The following SLC7A2 variants were observed in gnomAD, a reference collection of about 807,000 sequenced individuals.
SLC7A2 encodes solute carrier family 7 member 2, also known as cationic amino acid transporter 2.
In SLC7A2, 48 loss-of-function variants were observed where a neutral mutation model predicts 58.9. The ratio of observed to expected loss-of-function variants is 0.82; its 90% confidence interval spans 0.65 to 1.04. The LOEUF (loss-of-function observed/expected upper bound fraction) is 1.04, where lower values mean the gene tolerates loss of function less well. Among genes scored for constraint, SLC7A2 ranks in the 50% least tolerant of loss-of-function variants. SLC7A2 has a pLI of 0.00. For missense variants in SLC7A2, 1,029 were observed against 818.8 expected, an observed-to-expected ratio of 1.26 and a Z score of -3.13; for synonymous variants, 363 against 314.5, an observed-to-expected ratio of 1.15 and a Z score of -1.63.
chr8:17,562,180 A>ATTT lies in SLC7A2; in HGVS notation c.1671+103_1671+105dup, dbSNP rs200130071. The ATTT allele has an allele frequency of 2.3e-4, 138 of 594,010 alleles. 1 individual carries two copies. Among genetic ancestry groups the ATTT allele is most frequent in the African/African-American group, 9.2e-4 (25 of 27,094 alleles). The allele number at this position is 594,010 out of a possible 1,614,324, so 36.8% of individuals were successfully genotyped here. ...TCTCTGTATAATTAGTTTGGTAAGT[A>ATTT]TTTTTTTTTTTTTTTTTTTTTTTTT... On this transcript the variant is annotated intron_variant, in intron 11 of 12. Transcript: ENST00000494857.
intron 2 of SLC7A2, among the ~76,000 whole-genome samples, chr8:17,516,921 A>T (rs1322554156): frequency 6.6e-6 from 1 of 152,212 alleles, no homozygotes; most frequent in African/African-American, 2.4e-5. Flanking sequence ...CCCTGTCTTC[A>T]TGCATGGTAC....
chr8:17,515,418 C>T (rs1475157770), intron 2 of SLC7A2, among the ~76,000 whole-genome samples: 1 of 151,990 alleles, frequency 6.6e-6, no homozygotes, highest in Non-Finnish European at 1.5e-5. Context: ...GCCTCAGCCT[C>T]CTGAGTAGCT....
intron 2 of SLC7A2, among the ~76,000 whole-genome samples, chr8:17,516,346 C>G (rs531891300): frequency 6.6e-6 from 1 of 152,138 alleles, no homozygotes; most frequent in East Asian, 1.9e-4. Context: ...CTGCCTCAGC[C>G]TCCCAAGTAG....
At chr8:17,513,594 G>A (rs530780647) in intron 2 of SLC7A2, among the ~76,000 whole-genome samples, 1 of 152,212 alleles carries the variant, frequency 6.6e-6, no homozygotes, top group Admixed American at 6.5e-5. Flanking sequence ...TATCACTGTT[G>A]TGGTTCTCAG....
intron 8 of SLC7A2, chr8:17,554,931 A>G: frequency 6.2e-7 from 1 of 1,612,956 alleles, no homozygotes; most frequent in Non-Finnish European, 8.5e-7. Context: ...TGGATTTTGA[A>G]TTTTTCTGTT....
At chr8:17,563,420 CTT>C (rs1474882795) in intron 11 of SLC7A2, among the ~76,000 whole-genome samples, 181 bp from the exon 12 acceptor site, 44 of 152,266 alleles carry the variant, frequency 2.9e-4, no homozygotes, top group African/African-American at 9.6e-4. Flanking sequence ...CCCCTGGTGC[CTT>C]GAGCTTTAGT....
intron 10 of SLC7A2, among the ~76,000 whole-genome samples, 154 bp from the exon 11 acceptor site, chr8:17,561,790 A>G (rs2705062): frequency 0.64 from 97,129 of 152,100 alleles, 31,295 homozygotes; most frequent in East Asian, 0.69. Flanking sequence ...TCTCTCCTCA[A>G]TGAAAAAGAA....
Position 17,559,341 on chromosome 8 carries a change from G to A in SLC7A2, c.1298+944G>A, listed in dbSNP as rs370729973. ...GAGGCCTCAGGAAACTTAAAATCTTGGTGGAAGGGGAAGCAAACATGTCCT... is the reference window on the plus strand; with the variant it reads ...GAGGCCTCAGGAAACTTAAAATCTTAGTGGAAGGGGAAGCAAACATGTCCT... On this transcript the variant is annotated intron_variant, in intron 9 of 12. Transcript: ENST00000494857. Among the ~76,000 whole-genome samples the A allele has an allele frequency of 7.9e-5, 12 of 152,290 alleles. No individual in the cohort carries two copies. In the East Asian group the frequency reaches 1.5e-3, roughly 20 times the overall value.
chr8:17,512,927 T>C (rs1197065991), intron 2 of SLC7A2, among the ~76,000 whole-genome samples: 2 of 152,202 alleles, frequency 1.3e-5, no homozygotes, highest in Non-Finnish European at 2.9e-5. Context: ...CTGAACATGA[T>C]GTTCTCGAGG....
intron 2 of SLC7A2, among the ~76,000 whole-genome samples, chr8:17,525,193 T>G (rs1424313995): frequency 6.6e-6 from 1 of 152,174 alleles, no homozygotes; most frequent in Non-Finnish European, 1.5e-5. Context: ...TTCTCCCTCA[T>G]TAGAAGGCCT....
intron 2 of SLC7A2, 109 bp from the exon 3 acceptor site, chr8:17,543,208 AC>A: frequency 5.2e-6 from 5 of 967,428 alleles, no homozygotes; most frequent in African/African-American, 1.7e-5. Flanking sequence ...ACACACACAC[AC>A]ACACACAAAC....
chr8:17,516,973 C>G (rs1045561501), intron 2 of SLC7A2, among the ~76,000 whole-genome samples: 1 of 152,180 alleles, frequency 6.6e-6, no homozygotes, highest in African/African-American at 2.4e-5. Context: ...TCCCCACAAT[C>G]AACACTGAAG....
intron 2 of SLC7A2, among the ~76,000 whole-genome samples, chr8:17,521,156 T>G (rs1291511244): frequency 6.6e-6 from 1 of 152,234 alleles, no homozygotes; most frequent in East Asian, 1.9e-4. Context: ...TTAGGATACT[T>G]GCTTTCTAAA....
rs1183006872 is a variant in SLC7A2 at position 17,565,397 on chromosome 8, T to G, written c.*251T>G. ...AACAGTGGGAGTGTGTATGTATGTG[T>G]GTATGTATGTATCTATGTATATGCT... On this transcript the variant is annotated 3_prime_UTR_variant, in exon 13 of 13. Coordinates refer to ENST00000494857, the MANE Select transcript of SLC7A2 (RefSeq NM_001370338.1). The G allele has an allele frequency of 2.3e-6, 1 of 427,726 alleles. No individual in the cohort carries two copies. Among genetic ancestry groups the G allele is most frequent in the Non-Finnish European group, 4.2e-6 (1 of 238,758 alleles). The allele number at this position is 427,726 out of a possible 1,614,324, so 26.5% of individuals were successfully genotyped here.
chr8:17,500,978 C>T (rs1359944334), intron 1 of SLC7A2, among the ~76,000 whole-genome samples: 1 of 151,096 alleles, frequency 6.6e-6, no homozygotes, highest in African/African-American at 2.4e-5. Context: ...TGGAAGCAAG[C>T]AGTATGCTGT....
At chr8:17,534,319 C>G (rs77320182) in intron 2 of SLC7A2, among the ~76,000 whole-genome samples, 2,412 of 152,178 alleles carry the variant, frequency 0.016, 60 homozygotes, top group East Asian at 0.095. Context: ...TTTTAAACAA[C>G]AGTTGTGGTC....
At chr8:17,514,569 C>T (rs901197421) in intron 2 of SLC7A2, among the ~76,000 whole-genome samples, 2 of 151,946 alleles carry the variant, frequency 1.3e-5, no homozygotes, top group African/African-American at 4.8e-5. Flanking sequence ...GTAAGTTGTT[C>T]AGGTTTCCCT....
chr8:17,530,851 T>C (rs981047484), intron 2 of SLC7A2, among the ~76,000 whole-genome samples: 2 of 152,092 alleles, frequency 1.3e-5, no homozygotes, highest in Non-Finnish European at 2.9e-5. Context: ...GTAGTACAGG[T>C]GTGAGCTACT....
intron 2 of SLC7A2, among the ~76,000 whole-genome samples, chr8:17,524,114 G>A (rs922762286): frequency 7.2e-5 from 11 of 152,168 alleles, no homozygotes; most frequent in African/African-American, 2.4e-4. Flanking sequence ...ATAGATGTTG[G>A]CATGGATGCG....
Sources: allele counts gnomAD v4.1 joint callset (sites outside exome capture counted in the v4.1 genomes callset), GRCh38; gene constraint gnomAD v4.1.1; transcripts MANE v1.5; gene names NCBI Gene and HGNC (gene_info 2026-07-23, HGNC 2026-07-21).